The following RASSF8 variants were observed in gnomAD, a reference collection of about 807,000 sequenced individuals.
The protein encoded by RASSF8 is Ras association domain family member 8, also known as ras association domain-containing protein 8.
Under a neutral mutation model 48.5 loss-of-function variants are expected in RASSF8, and 22 were observed. The observed-to-expected ratio is 0.45, with a 90% CI of 0.32 to 0.65. The LOEUF is 0.65. RASSF8 is among the 30% of genes least tolerant of loss of function. The pLI is 0.03. For synonymous variants in RASSF8, 127 were observed against 171.5 expected, an observed-to-expected ratio of 0.74 and a Z score of 2.03; for missense variants, 418 against 489.2, an observed-to-expected ratio of 0.85 and a Z score of 1.37.
chr12:26,005,118 T>C (rs754892241), intron 2 of RASSF8, among the ~76,000 whole-genome samples: 39 of 152,310 alleles, frequency 2.6e-4, no homozygotes, highest in Admixed American at 9.2e-4. Context: ...AAAAGAAATG[T>C]GTACATATAA....
intron 2 of RASSF8, among the ~76,000 whole-genome samples, chr12:26,035,973 A>C (rs954248754): frequency 6.8e-6 from 1 of 147,408 alleles, no homozygotes; most frequent in Non-Finnish European, 1.5e-5. Flanking sequence ...TATAATTTAT[A>C]TATATATAAA....
chr12:26,031,951 T>G (rs1454953859), intron 2 of RASSF8, among the ~76,000 whole-genome samples: 1 of 152,222 alleles, frequency 6.6e-6, no homozygotes, highest in African/African-American at 2.4e-5. Flanking sequence ...TTAGTTACTT[T>G]GATGAAATAC....
chr12:26,024,188 A>G (rs998863365), intron 2 of RASSF8, among the ~76,000 whole-genome samples: 2 of 152,134 alleles, frequency 1.3e-5, no homozygotes, highest in East Asian at 3.9e-4. Flanking sequence ...TTGAATTGAG[A>G]TGAGGTCTTG....
intron 3 of RASSF8, among the ~76,000 whole-genome samples, chr12:26,056,748 G>A (rs918265774): frequency 6.6e-6 from 1 of 152,156 alleles, no homozygotes; most frequent in Admixed American, 6.5e-5. Context: ...TGAAAATTCT[G>A]GGCTTTCACA....
intron 1 of RASSF8, among the ~76,000 whole-genome samples, chr12:25,963,057 A>G (rs559193270): frequency 3.3e-5 from 5 of 152,316 alleles, no homozygotes; most frequent in East Asian, 1.9e-4. Context: ...ACAGAGCGTC[A>G]CATGATAACA....
intron 1 of RASSF8, among the ~76,000 whole-genome samples, chr12:25,987,548 A>G (rs1001016278): frequency 2.0e-5 from 3 of 152,216 alleles, no homozygotes; most frequent in African/African-American, 7.2e-5. Flanking sequence ...TTTAAACCTA[A>G]GGATAATTTT....
Position 26,007,007 on chromosome 12 carries a change from C to T in RASSF8, c.-109+11877C>T, listed in dbSNP as rs150985545. On this transcript the variant is annotated intron_variant, in intron 2 of 5. Coordinates refer to ENST00000689635, the MANE Select transcript of RASSF8 (RefSeq NM_001394098.1). Reference sequence around the variant, plus strand: ...TCTGGTGAGGGCCTCAGGCTGCTTCCACTCATGGTGGAAAGTGAAGGGGAG... The same window carrying T: ...TCTGGTGAGGGCCTCAGGCTGCTTCTACTCATGGTGGAAAGTGAAGGGGAG... Among the ~76,000 whole-genome samples, 75 of 152,228 alleles carry T rather than the reference C, an allele frequency of 4.9e-4. 1 individual carries two copies. The East Asian group carries it at 0.014, about 29-fold the overall frequency.
At chr12:25,977,286 T>C (rs1941629128) in intron 1 of RASSF8, among the ~76,000 whole-genome samples, 1 of 152,216 alleles carries the variant, frequency 6.6e-6, no homozygotes, top group Non-Finnish European at 1.5e-5. Context: ...GAAGTTTGCA[T>C]GGATTCATCC....
At chr12:25,975,101 G>C (rs1941574704) in intron 1 of RASSF8, among the ~76,000 whole-genome samples, 1 of 152,192 alleles carries the variant, frequency 6.6e-6, no homozygotes, top group South Asian at 2.1e-4. Context: ...TCCACCTGAG[G>C]AAATCAGGGA....
intron 2 of RASSF8, among the ~76,000 whole-genome samples, chr12:26,046,586 C>T (rs368840397): frequency 6.6e-6 from 1 of 152,134 alleles, no homozygotes; most frequent in Non-Finnish European, 1.5e-5. Context: ...GCTATAATCC[C>T]AGCACTTTGG....
chr12:25,991,108 G>A (rs1477290152), intron 1 of RASSF8, among the ~76,000 whole-genome samples: 1 of 151,852 alleles, frequency 6.6e-6, no homozygotes, highest in African/African-American at 2.4e-5. Flanking sequence ...GGCCTAGTTT[G>A]GAGGAAGGGA....
At chr12:26,073,831 C>A (rs1024847049), downstream of RASSF8, among the ~76,000 whole-genome samples, 1 of 126,394 alleles carries the variant, frequency 7.9e-6, no homozygotes, top group African/African-American at 3.2e-5. Context: ...TACACACACA[C>A]ACACACACAC....
chr12:26,008,070 G>A (rs899804598), intron 2 of RASSF8, among the ~76,000 whole-genome samples: 3 of 152,070 alleles, frequency 2.0e-5, no homozygotes, highest in African/African-American at 7.2e-5. Context: ...TCAGGAGACC[G>A]AGACCATCCT....
chr12:26,033,445 T>G (rs139942577), intron 2 of RASSF8, among the ~76,000 whole-genome samples: 292 of 152,330 alleles, frequency 1.9e-3, no homozygotes, highest in African/African-American at 6.9e-3. Context: ...TATATTTGTG[T>G]TAAAGCTTAG....
chr12:25,961,617 T>G (rs1941236965), intron 1 of RASSF8, among the ~76,000 whole-genome samples: 3 of 152,212 alleles, frequency 2.0e-5, no homozygotes, highest in African/African-American at 7.2e-5. Context: ...CTTCAGCCTC[T>G]GTGATCTACA....
At chr12:25,975,465 G>C (rs899980520) in intron 1 of RASSF8, among the ~76,000 whole-genome samples, 1 of 152,188 alleles carries the variant, frequency 6.6e-6, no homozygotes. Context: ...TTTTAGATTA[G>C]AGAATGTTGG....
chr12:26,027,338 G>A (rs534819801), intron 2 of RASSF8, among the ~76,000 whole-genome samples: 115 of 152,314 alleles, frequency 7.6e-4, no homozygotes, highest in African/African-American at 2.7e-3. Flanking sequence ...TGTATGGCAT[G>A]TTAATGATAT....
intron 1 of RASSF8, among the ~76,000 whole-genome samples, chr12:25,983,286 TA>T (rs1402067219): frequency 6.6e-6 from 1 of 151,862 alleles, no homozygotes; most frequent in African/African-American, 2.4e-5. Flanking sequence ...AATAAACATA[TA>T]ATTGGAATTT....
intron 2 of RASSF8, among the ~76,000 whole-genome samples, chr12:26,012,950 A>G (rs1942565517): frequency 6.6e-6 from 1 of 152,164 alleles, no homozygotes; most frequent in Admixed American, 6.5e-5. Context: ...TGCTGGGACT[A>G]CAGGCATGAG....
Sources: allele counts gnomAD v4.1 joint callset (sites outside exome capture counted in the v4.1 genomes callset), GRCh38; gene constraint gnomAD v4.1.1; transcripts MANE v1.5; gene names NCBI Gene and HGNC (gene_info 2026-07-23, HGNC 2026-07-21).